The following NKAIN1 variants were observed in gnomAD, a reference collection of about 807,000 sequenced individuals.
The protein encoded by NKAIN1 is sodium/potassium transporting ATPase interacting 1, also known as sodium/potassium-transporting ATPase subunit beta-1-interacting protein 1.
A neutral mutation model predicts 31.6 loss-of-function variants in NKAIN1; 13 were observed. The observed-to-expected ratio is 0.41, with a 90% CI of 0.27 to 0.65. The LOEUF is 0.65. Among genes scored for constraint, NKAIN1 ranks in the 30% least tolerant of loss-of-function variants. NKAIN1 has a pLI of 0.30. For synonymous variants in NKAIN1, 104 were observed against 109.0 expected, an observed-to-expected ratio of 0.95 and a Z score of 0.28; for missense variants, 193 against 262.2, an observed-to-expected ratio of 0.74 and a Z score of 1.82.
chr1:31,203,746 G>A (rs950989671), intron 1 of NKAIN1, among the ~76,000 whole-genome samples: 5 of 151,922 alleles, frequency 3.3e-5, no homozygotes, highest in Middle Eastern at 3.2e-3. Flanking sequence ...CACCACGCCT[G>A]GCCAATTTCT....
chr1:31,191,933 A>G (rs951319687), intron 1 of NKAIN1, among the ~76,000 whole-genome samples: 1 of 152,048 alleles, frequency 6.6e-6, no homozygotes, highest in Non-Finnish European at 1.5e-5. Flanking sequence ...GTGCCATCAC[A>G]TCTGGGTAAT....
intron 1 of NKAIN1, among the ~76,000 whole-genome samples, chr1:31,189,151 C>G (rs917716519): frequency 1.3e-5 from 2 of 152,048 alleles, no homozygotes; most frequent in Admixed American, 1.3e-4. Context: ...AGCGAAGGCA[C>G]CCCGGCTAAT....
intron 1 of NKAIN1, among the ~76,000 whole-genome samples, chr1:31,188,977 C>T (rs376886229): frequency 2.0e-5 from 3 of 151,108 alleles, no homozygotes; most frequent in Non-Finnish European, 4.4e-5. Context: ...CATGCCACTG[C>T]ACTCCAGCCT....
At chr1:31,236,790 A>G (rs1645695727) in intron 1 of NKAIN1, among the ~76,000 whole-genome samples, 1 of 152,184 alleles carries the variant, frequency 6.6e-6, no homozygotes, top group South Asian at 2.1e-4. Context: ...TAGCTTAGCA[A>G]GGGAGAACTA....
chr1:31,224,271 G>A (rs1645585280), intron 1 of NKAIN1, among the ~76,000 whole-genome samples: 1 of 152,194 alleles, frequency 6.6e-6, no homozygotes, highest in African/African-American at 2.4e-5. Context: ...AGTTTCTCTG[G>A]AGCCAAGGAG....
intron 1 of NKAIN1, among the ~76,000 whole-genome samples, chr1:31,228,715 A>C (rs1645625888): frequency 6.6e-6 from 1 of 152,028 alleles, no homozygotes. Context: ...TACCACAGCC[A>C]CCTCAGTAGC....
Position 31,216,351 on chromosome 1 carries a change from C to T in NKAIN1, c.54+23143G>A, listed in dbSNP as rs115799995. Among the ~76,000 whole-genome samples the T allele has an allele frequency of 3.4e-3, 522 of 152,190 alleles. 2 individuals carry two copies. Among genetic ancestry groups the T allele is most frequent in the South Asian group, 5.8e-3 (28 of 4,810 alleles). ...TTCACAGGTGGCATTTCCTTTCATC[C>T]CCAGAATGACACTGTGAGGGAATCA... is the stretch of plus-strand genomic sequence containing the variant. On this transcript the variant is annotated intron_variant, in intron 1 of 6. Coordinates refer to ENST00000373736, the MANE Select transcript of NKAIN1 (RefSeq NM_024522.3).
At chr1:31,221,670 A>G (rs916102246) in intron 1 of NKAIN1, among the ~76,000 whole-genome samples, 1 of 151,990 alleles carries the variant, frequency 6.6e-6, no homozygotes, top group Non-Finnish European at 1.5e-5. Context: ...TCTTGACCTC[A>G]TGATCTGCCC....
Position 31,181,886 on chromosome 1 carries a change from C to T in NKAIN1, c.588G>A (p.Ser196=). 1.2e-6 allele frequency: 2 copies of T among 1,608,240 alleles called. No individual in the cohort carries two copies. Among genetic ancestry groups the T allele is most frequent in the South Asian group, 1.1e-5 (1 of 89,720 alleles). Residue 196 remains serine (S), a synonymous_variant, in exon 6 of 7, where the codon TCG becomes TCA. Coordinates refer to ENST00000373736, the MANE Select transcript of NKAIN1 (RefSeq NM_024522.3). ...TGTACAGAGGCTGCAGCTGTAAATG[C>T]GACGTCTTCTGGGGCGCCTGGTATC... is the stretch of plus-strand genomic sequence containing the variant. ...SYGYQAPQKT[S]HLQLQPLYTS... is the part of the protein sequence containing the mutation.
At chr1:31,232,474 G>GAGAGAGAGAGAGAGAGAGAGAGAGAGAGA in intron 1 of NKAIN1, among the ~76,000 whole-genome samples, 1 of 118,988 alleles carries the variant, frequency 8.4e-6, no homozygotes. Context: ...GAGAGAGAGT[G>GAGAGAGAGAGAGAGAGAGAGAGAGAGAGA]GGGGAGGTCT....
intron 1 of NKAIN1, among the ~76,000 whole-genome samples, chr1:31,214,564 T>C (rs1394204648): frequency 6.6e-6 from 1 of 152,178 alleles, no homozygotes. Context: ...TGTGTCTGCA[T>C]GTGTTTGTGC....
chr1:31,228,707 C>T (rs1645625868), intron 1 of NKAIN1, among the ~76,000 whole-genome samples: 1 of 152,126 alleles, frequency 6.6e-6, no homozygotes, highest in African/African-American at 2.4e-5. Context: ...GATCATCCTA[C>T]CACAGCCACC....
intron 1 of NKAIN1, among the ~76,000 whole-genome samples, chr1:31,232,472 G>GAGAGAA (rs1645661858): frequency 8.4e-6 from 1 of 119,556 alleles, no homozygotes; most frequent in African/African-American, 3.2e-5. Context: ...GAGAGAGAGA[G>GAGAGAA]TGGGGGAGGT....
rs200841122 is a variant in NKAIN1 at position 31,193,067 on chromosome 1, T to A, written c.55-4880A>T. Among the ~76,000 whole-genome samples, 619 of 150,540 alleles carry A rather than the reference T, an allele frequency of 4.1e-3. 32 individuals carry two copies. In the East Asian group the frequency reaches 0.096, roughly 23 times the overall value. On this transcript the variant is annotated intron_variant, in intron 1 of 6. Transcript: ENST00000373736. ...CTCAATTTTATTTTATTATTTATTT[T>A]TTTATTTTTTTATTTTTTTGAGACG...
chr1:31,210,633 A>G (rs10737355), intron 1 of NKAIN1, among the ~76,000 whole-genome samples: 89,926 of 151,706 alleles, frequency 0.59, 29,344 homozygotes, highest in Middle Eastern at 0.83. Context: ...TTTTGCACCA[A>G]ACCTAACAGT....
intron 1 of NKAIN1, among the ~76,000 whole-genome samples, chr1:31,238,370 G>A (rs1239431648): frequency 6.6e-6 from 1 of 152,178 alleles, no homozygotes; most frequent in African/African-American, 2.4e-5. Flanking sequence ...CATGAGGGGG[G>A]CTCAGGCTCC....
At chr1:31,236,427 G>A (rs1029548248) in intron 1 of NKAIN1, among the ~76,000 whole-genome samples, 1 of 152,200 alleles carries the variant, frequency 6.6e-6, no homozygotes, top group Admixed American at 6.5e-5. Flanking sequence ...TCAGCTGAAA[G>A]ATATTTAACA....
intron 1 of NKAIN1, among the ~76,000 whole-genome samples, chr1:31,218,034 TTC>T (rs1491380026): frequency 2.4e-4 from 23 of 96,776 alleles, no homozygotes; most frequent in South Asian, 3.4e-4. Flanking sequence ...CTTTCTTTCT[TTC>T]TTTCTTTCTT....
intron 1 of NKAIN1, among the ~76,000 whole-genome samples, chr1:31,215,476 G>A (rs929869045): frequency 7.9e-5 from 12 of 152,178 alleles, no homozygotes; most frequent in African/African-American, 1.9e-4. Context: ...CAGACCGCCC[G>A]GGACACTGAG....
Sources: allele counts gnomAD v4.1 joint callset (sites outside exome capture counted in the v4.1 genomes callset), GRCh38; gene constraint gnomAD v4.1.1; transcripts MANE v1.5; gene names NCBI Gene and HGNC (gene_info 2026-07-23, HGNC 2026-07-21).